Variants in ZFAND3 observed in about 807,000 individuals in gnomAD.
The protein encoded by ZFAND3 is AN1-type zinc finger protein 3.
Under a neutral mutation model 29.6 loss-of-function variants are expected in ZFAND3, and 10 were observed. That is an observed-to-expected ratio of 0.34 (90% CI 0.21 to 0.57). The LOEUF is 0.57. ZFAND3 is among the 20% of genes least tolerant of loss of function. The pLI, the probability that ZFAND3 is intolerant of heterozygous loss-of-function variation, is 0.86. For synonymous variants in ZFAND3, 128 were observed against 112.6 expected (o/e 1.14, Z -0.87); for missense variants, 230 against 304.5 (o/e 0.76, Z 1.82).
chr6:38,051,711 C>T (rs1287201170), intron 2 of ZFAND3, among the ~76,000 whole-genome samples: 2 of 152,194 alleles, frequency 1.3e-5, no homozygotes, highest in Non-Finnish European at 2.9e-5. Flanking sequence ...GCGCACACAG[C>T]ATAAAGTGCA....
intron 2 of ZFAND3, among the ~76,000 whole-genome samples, chr6:38,032,553 T>C (rs951908452): frequency 6.6e-6 from 1 of 152,210 alleles, no homozygotes; most frequent in Non-Finnish European, 1.5e-5. Flanking sequence ...AGCACCTACT[T>C]TACTTAAAAT....
intron 3 of ZFAND3, among the ~76,000 whole-genome samples, chr6:38,067,602 G>T (rs766383570): frequency 6.6e-6 from 1 of 152,212 alleles, no homozygotes; most frequent in Non-Finnish European, 1.5e-5. Context: ...CCTATTTACT[G>T]TTCTCCCAGT....
chr6:37,843,218 G>T (rs1207836244), intron 1 of ZFAND3, among the ~76,000 whole-genome samples: 1 of 152,050 alleles, frequency 6.6e-6, no homozygotes, highest in Non-Finnish European at 1.5e-5. Flanking sequence ...GAGTGTGGTA[G>T]CTCATGCCTG....
At chr6:38,092,566 A>T (rs1561996050) in intron 4 of ZFAND3, among the ~76,000 whole-genome samples, 2 of 152,208 alleles carry the variant, frequency 1.3e-5, no homozygotes, top group Non-Finnish European at 2.9e-5. Context: ...CTTTAGAGTC[A>T]TGGGGAATGA....
At chr6:37,839,361 T>G (rs1241549669) in intron 1 of ZFAND3, among the ~76,000 whole-genome samples, 1 of 151,640 alleles carries the variant, frequency 6.6e-6, no homozygotes, top group Non-Finnish European at 1.5e-5. Context: ...TTTGTATTTT[T>G]AGTAGAGACG....
intron 1 of ZFAND3, among the ~76,000 whole-genome samples, chr6:37,899,371 A>G (rs949507352): frequency 1.3e-5 from 2 of 152,286 alleles, no homozygotes; most frequent in African/African-American, 4.8e-5. Context: ...CATCGGGGAA[A>G]AGCGTGCAAT....
At chr6:37,959,749 A>G (rs957156766) in intron 2 of ZFAND3, among the ~76,000 whole-genome samples, 4 of 152,188 alleles carry the variant, frequency 2.6e-5, no homozygotes, top group African/African-American at 9.7e-5. Flanking sequence ...AAGTCTTTCC[A>G]TTAACTTTCA....
intron 2 of ZFAND3, among the ~76,000 whole-genome samples, chr6:38,050,000 A>G (rs1763994662): frequency 7.7e-6 from 1 of 129,990 alleles, no homozygotes; most frequent in Non-Finnish European, 1.6e-5. Flanking sequence ...TGTCTCCCAG[A>G]CTGTAGCACA....
At chr6:37,902,274 C>CA (rs1313633744) in intron 1 of ZFAND3, among the ~76,000 whole-genome samples, 34 of 151,920 alleles carry the variant, frequency 2.2e-4, no homozygotes, top group African/African-American at 8.2e-4. Flanking sequence ...CATGGTGAAA[C>CA]AAAAAATACA....
chr6:38,103,539 A>G (rs545013674), intron 4 of ZFAND3, among the ~76,000 whole-genome samples: 1 of 150,570 alleles, frequency 6.6e-6, no homozygotes, highest in South Asian at 2.1e-4. Context: ...ATATACACAC[A>G]CACATACATA....
At chr6:38,084,440 C>T (rs780008904) in intron 4 of ZFAND3, among the ~76,000 whole-genome samples, 1 of 152,134 alleles carries the variant, frequency 6.6e-6, no homozygotes, top group African/African-American at 2.4e-5. Context: ...ACCTAATAGA[C>T]CTTCAATTAC....
chr6:37,978,267 A>C (rs1439385228), intron 2 of ZFAND3, among the ~76,000 whole-genome samples: 1 of 152,178 alleles, frequency 6.6e-6, no homozygotes, highest in African/African-American at 2.4e-5. Flanking sequence ...TTGGGTTTCA[A>C]ATGTTAAAGC....
intron 2 of ZFAND3, among the ~76,000 whole-genome samples, chr6:37,948,973 C>T (rs1761948730): frequency 6.6e-6 from 1 of 151,976 alleles, no homozygotes; most frequent in South Asian, 2.1e-4. Context: ...TATTTATATT[C>T]CTTTAGGTAT....
At chr6:38,138,408 C>G (rs1336538529) in intron 5 of ZFAND3, among the ~76,000 whole-genome samples, 3 of 144,404 alleles carry the variant, frequency 2.1e-5, no homozygotes, top group Non-Finnish European at 3.1e-5. Context: ...ACAAGTACAT[C>G]TCAGGTCAAT....
rs6939940 is a variant in ZFAND3 at position 37,847,174 on chromosome 6, A to G, written c.71+27158A>G. On this transcript the variant is annotated intron_variant, in intron 1 of 5. Coordinates refer to ENST00000287218, the MANE Select transcript of ZFAND3 (RefSeq NM_021943.3). ...GTTTGATTTATATCACCCGTTGGCA[A>G]TATACTACATGTGAAAGTTACTTTT... 3.3e-3 allele frequency among the ~76,000 whole-genome samples: 510 copies of G among 152,308 alleles called. 4 individuals carry two copies. Among genetic ancestry groups the G allele is most frequent in the African/African-American group, 0.012 (481 of 41,560 alleles).
intron 2 of ZFAND3, among the ~76,000 whole-genome samples, chr6:37,963,165 C>A (rs1762229093): frequency 6.6e-6 from 1 of 152,196 alleles, no homozygotes; most frequent in African/African-American, 2.4e-5. Flanking sequence ...GACCAAGAAC[C>A]CACTGGAAGG....
At chr6:38,119,219 T>C (rs76353444) in intron 5 of ZFAND3, among the ~76,000 whole-genome samples, 6,344 of 152,230 alleles carry the variant, frequency 0.042, 447 homozygotes, top group African/African-American at 0.14. Flanking sequence ...AGAGCTCTTG[T>C]GTTCCTCCTG....
At chr6:37,841,072 G>A (rs1372341362) in intron 1 of ZFAND3, among the ~76,000 whole-genome samples, 4 of 152,098 alleles carry the variant, frequency 2.6e-5, no homozygotes, top group African/African-American at 9.7e-5. Context: ...ATCAGTTAAT[G>A]GGTTGCTGGG....
intron 3 of ZFAND3, among the ~76,000 whole-genome samples, chr6:38,064,110 T>A (rs1253653467): frequency 6.6e-6 from 1 of 152,152 alleles, no homozygotes; most frequent in African/African-American, 2.4e-5. Context: ...TATACCCAAT[T>A]TTGCATAAAA....
Sources: gnomAD v4.1 joint callset for allele counts (sites outside exome capture counted in the v4.1 genomes callset) on GRCh38, gnomAD v4.1.1 for gene constraint, MANE v1.5 for transcripts, NCBI Gene and HGNC (gene_info 2026-07-23, HGNC 2026-07-21) for gene names.